The following CDC42EP3 variants were observed in gnomAD, a reference collection of about 807,000 sequenced individuals.
CDC42EP3 encodes CDC42 effector protein (Rho GTPase binding) 3.
Under a neutral mutation model 15.5 loss-of-function variants are expected in CDC42EP3, and 4 were observed. That is an observed-to-expected ratio of 0.26 (90% CI 0.13 to 0.59). CDC42EP3 has a LOEUF of 0.59. Ranked by LOEUF, CDC42EP3 falls within the 20% of genes least tolerant of loss-of-function variation. CDC42EP3 has a pLI of 0.89. For synonymous variants in CDC42EP3, 145 were observed against 130.3 expected, an observed-to-expected ratio of 1.11 and a Z score of -0.77; for missense variants, 309 against 311.2, an observed-to-expected ratio of 0.99 and a Z score of 0.05.
chr2:37,661,680 C>T (rs777117154), intron 1 of CDC42EP3, among the ~76,000 whole-genome samples: 2 of 151,934 alleles, frequency 1.3e-5, no homozygotes, highest in African/African-American at 2.4e-5. Flanking sequence ...GCTGACAGCA[C>T]GAGGAGGTGG....
At position 37,646,701 on chromosome 2, in the gene CDC42EP3, T is replaced by C; in HGVS notation, c.-114A>G. 5 of 1,098,338 alleles carry C rather than the reference T, an allele frequency of 4.6e-6. No homozygotes were observed. The highest frequency in any genetic ancestry group is 6.5e-6 in the Non-Finnish European group (5 of 765,348). The allele number at this position is 1,098,338 out of a possible 1,614,324, so 68.0% of individuals were successfully genotyped here. On this transcript the variant is annotated 5_prime_UTR_variant, in exon 2 of 2. Coordinates refer to ENST00000295324, the MANE Select transcript of CDC42EP3 (RefSeq NM_006449.5). The stretch of plus-strand genomic sequence containing the variant: ...GAACTGTCACATCATTTTTCTCAAG[T>C]GGCTTCAGAAGTGGCTTCGAAATGA...
At position 37,669,493 on chromosome 2, in the gene CDC42EP3, A is replaced by T. The variant is rs189020268; in HGVS notation, c.-236+1933T>A. Among the ~76,000 whole-genome samples, 14 of 152,330 alleles carry T rather than the reference A, an allele frequency of 9.2e-5. No individual in the cohort carries two copies. In the East Asian group the frequency reaches 2.7e-3, roughly 29 times the overall value. On this transcript the variant is annotated intron_variant, in intron 1 of 1. Transcript: ENST00000295324. ...CACTTAAATGTGCAATAAAAAGCAA[A>T]AAGTGTGCAACACTTATTACTCTAG...
intron 1 of CDC42EP3, among the ~76,000 whole-genome samples, chr2:37,665,078 G>A (rs1171143834): frequency 1.3e-5 from 2 of 151,710 alleles, no homozygotes; most frequent in Non-Finnish European, 2.9e-5. Context: ...CCTATTACTG[G>A]ATTTCACCTT....
rs184837459 is a variant in CDC42EP3, at chr2:37,652,647, A to G, written c.-235-5825T>C. On this transcript the variant is annotated intron_variant, in intron 1 of 1. Transcript: ENST00000295324. ...TGGCATGATCACAGCTCACTGCAGCATCGAAACCCTGGGCTCAAGCCATCC... is the reference window on the plus strand; with the variant it reads ...TGGCATGATCACAGCTCACTGCAGCGTCGAAACCCTGGGCTCAAGCCATCC... Among the ~76,000 whole-genome samples, 555 of 152,288 alleles carry G rather than the reference A, an allele frequency of 3.6e-3. 2 individuals carry two copies. Among genetic ancestry groups the G allele is most frequent in the Middle Eastern group, 0.014 (4 of 294 alleles).
At chr2:37,656,979 G>GCCCCCCCCCCCCCCC (rs796652094) in intron 1 of CDC42EP3, among the ~76,000 whole-genome samples, 27 of 79,748 alleles carry the variant, frequency 3.4e-4, no homozygotes, top group East Asian at 1.4e-3. Context: ...AAGTAACAAA[G>GCCCCCCCCCCCCCCC]CCCCCCCCCC....
chr2:37,670,482 CTTT>C (rs5830491), intron 1 of CDC42EP3, among the ~76,000 whole-genome samples: 12 of 136,642 alleles, frequency 8.8e-5, no homozygotes, highest in South Asian at 2.4e-4. Flanking sequence ...AATTCGCTCA[CTTT>C]TTTTTTTTTT....
At chr2:37,670,721 CTTTCTA>C in intron 1 of CDC42EP3, among the ~76,000 whole-genome samples, 1 of 152,214 alleles carries the variant, frequency 6.6e-6, no homozygotes, top group Middle Eastern at 3.4e-3. Flanking sequence ...AAATATGCTA[CTTTCTA>C]TTTATAAGAT....
chr2:37,655,263 A>G (rs945366415), intron 1 of CDC42EP3, among the ~76,000 whole-genome samples: 4 of 152,166 alleles, frequency 2.6e-5, no homozygotes, highest in African/African-American at 4.8e-5. Context: ...ACCTTCCATT[A>G]TTTTAAAGGA....
chr2:37,670,449 A>G (rs955300260), intron 1 of CDC42EP3, among the ~76,000 whole-genome samples: 4 of 145,080 alleles, frequency 2.8e-5, no homozygotes, highest in African/African-American at 1.0e-4. Context: ...ATGTTGCAAT[A>G]CCCTCCTGAC....
At position 37,646,381 on chromosome 2, in the gene CDC42EP3, G is replaced by C; in HGVS notation, c.207C>G (p.Asn69Lys). The C allele has an allele frequency of 6.2e-7, 1 of 1,613,976 alleles. No homozygotes were observed. Among genetic ancestry groups the C allele is most frequent in the Non-Finnish European group, 8.5e-7 (1 of 1,179,956 alleles). ...ACTGGCCCAGGTGTGCTTTCTCCTG[G>C]TTTCCAGGTAAAAGCTCGTAGTTCC... is the stretch of plus-strand genomic sequence containing the variant. ...LQGNYELLPG[N>K]QEKAHLGQFP... Residue 69 changes from asparagine to lysine, a missense_variant, in exon 2 of 2, where the codon AAC (asparagine) becomes AAG (lysine). By Grantham distance (94) the Asn-to-Lys change is moderately conservative. Transcript: ENST00000295324.
chr2:37,645,922 C>A lies in CDC42EP3; in HGVS notation c.666G>T (p.Glu222Asp). 6.2e-7 allele frequency: 1 copy of A among 1,613,444 alleles called. No homozygotes were observed. Among genetic ancestry groups the A allele is most frequent in the African/African-American group, 1.3e-5 (1 of 75,020 alleles). Reference protein sequence around the residue: ...ELIKGKTKSEESLSDLTGSLL... With the variant: ...ELIKGKTKSEDSLSDLTGSLL... ...GGGAACCTGTAAGGTCAGAGAGGGACTCCTCTGACTTAGTCTTTCCCTTGA... is the reference window on the plus strand; with the variant it reads ...GGGAACCTGTAAGGTCAGAGAGGGAATCCTCTGACTTAGTCTTTCCCTTGA... Residue 222 changes from glutamate to aspartate, a missense_variant, in exon 2 of 2, where the codon GAG becomes GAT. Glu to Asp is a conservative substitution (Grantham distance 45). Transcript: ENST00000295324.
Position 37,646,430 on chromosome 2 carries a change from A to G in CDC42EP3, c.158T>C (p.Phe53Ser). ...HIGKEGQHDV[F>S]GDISFLQGNY... ...CCCTTGAAGAAAGGAAATATCTCCAAAGACATCGTGCTGGCCCTCTTTGCC... is the reference window on the plus strand; with the variant it reads ...CCCTTGAAGAAAGGAAATATCTCCAGAGACATCGTGCTGGCCCTCTTTGCC... The change falls in exon 2 of 2, where the codon TTT (phenylalanine) becomes TCT (serine). Residue 53 changes from phenylalanine to serine, a missense_variant. Coordinates refer to ENST00000295324, the MANE Select transcript of CDC42EP3 (RefSeq NM_006449.5). 1 of 1,614,158 alleles carries G rather than the reference A, an allele frequency of 6.2e-7. No homozygotes were observed. The highest frequency in any genetic ancestry group is 8.5e-7 in the Non-Finnish European group (1 of 1,180,030).
Position 37,646,098 on chromosome 2 carries a change from T to G in CDC42EP3, c.490A>C (p.Thr164Pro). 14 of 1,614,200 alleles carry G rather than the reference T, an allele frequency of 8.7e-6. No individual in the cohort carries two copies. Among genetic ancestry groups the G allele is most frequent in the Non-Finnish European group, 1.2e-5 (14 of 1,180,032 alleles). ...CACGAGGTGTCTCCCTGGTGGACTG[T>G]CCCATTCTCCAACAGACTGCTTTTC... ...QEKSSLLENG[T>P]VHQGDTSWGS... Residue 164 changes from threonine to proline, a missense_variant, in exon 2 of 2, where the codon ACA becomes CCA. By Grantham distance (38) the Thr-to-Pro change is conservative. Transcript: ENST00000295324.
rs1379696855 is a variant in CDC42EP3 at position 37,646,277 on chromosome 2, T to C, written c.311A>G (p.Lys104Arg). 2 of 1,614,184 alleles carry C rather than the reference T, an allele frequency of 1.2e-6. No homozygotes were observed. The highest frequency in any genetic ancestry group is 2.2e-5 in the East Asian group (1 of 44,878). Residue 104 changes from lysine (K) to arginine (R), a missense_variant, in exon 2 of 2, where the codon AAA becomes AGA. Transcript: ENST00000295324. Reference sequence around the variant, plus strand: ...AATGGTCGGGAGGGAGATGGCATTTTTGAGCACCGGGGAGGGCGTTTCTGT... The same window carrying C: ...AATGGTCGGGAGGGAGATGGCATTTCTGAGCACCGGGGAGGGCGTTTCTGT... Reference protein sequence around the residue: ...VFTETPSPVLKNAISLPTIGG... With the variant: ...VFTETPSPVLRNAISLPTIGG...
At chr2:37,666,813 CT>C (rs11311656) in intron 1 of CDC42EP3, among the ~76,000 whole-genome samples, 52,916 of 148,022 alleles carry the variant, frequency 0.36, 9,965 homozygotes, top group Admixed American at 0.52. Context: ...AAGGAGAAAG[CT>C]TTTTTTTTTT....
rs183006161 is a variant in CDC42EP3 at position 37,648,119 on chromosome 2, C to T, written c.-235-1297G>A. 3.1e-3 allele frequency among the ~76,000 whole-genome samples: 475 copies of T among 152,344 alleles called. 5 individuals carry two copies. The highest frequency in any genetic ancestry group is 0.011 in the African/African-American group (453 of 41,586). The stretch of plus-strand genomic sequence containing the variant: ...AGATTAGGAGGGATGAGCTACAAGG[C>T]ATTGGGGTTGTAATGTGCTCTTTTG... On this transcript the variant is annotated intron_variant, in intron 1 of 1. Transcript: ENST00000295324.
chr2:37,647,432 A>G (rs576810532), intron 1 of CDC42EP3: 3 of 152,368 alleles, frequency 2.0e-5, no homozygotes, highest in East Asian at 3.9e-4. Context: ...TAAGAGAGCT[A>G]GAGTTGTAAT....
At chr2:37,648,583 G>T (rs6752762) in intron 1 of CDC42EP3, among the ~76,000 whole-genome samples, 53,718 of 152,040 alleles carry the variant, frequency 0.35, 10,646 homozygotes, top group East Asian at 0.59. Flanking sequence ...AGCCCCACTC[G>T]GGCTTTGGGT....
chr2:37,661,139 ATAGT>A (rs1161664390), intron 1 of CDC42EP3, among the ~76,000 whole-genome samples: 1 of 148,896 alleles, frequency 6.7e-6, no homozygotes, highest in Non-Finnish European at 1.5e-5. Flanking sequence ...GCGTGTGTGT[ATAGT>A]GTGTGTATAT....
Sources: gnomAD v4.1 joint callset for allele counts (sites outside exome capture counted in the v4.1 genomes callset) on GRCh38, gnomAD v4.1.1 for gene constraint, MANE v1.5 for transcripts, NCBI Gene and HGNC (gene_info 2026-07-23, HGNC 2026-07-21) for gene names.